The following KCNQ1 variants were observed in gnomAD, a reference collection of about 807,000 sequenced individuals.
KCNQ1 encodes the protein potassium voltage-gated channel subfamily Q member 1.
KCNQ1 carries 49 observed loss-of-function variants against 72.4 expected under a neutral mutation model. The observed-to-expected ratio is 0.68, with a 90% CI of 0.54 to 0.86. KCNQ1 has a LOEUF of 0.86. Among genes scored for constraint, KCNQ1 ranks in the 40% least tolerant of loss-of-function variants. The probability of loss-of-function intolerance (pLI) is 0.00; values close to 1 mark genes in which losing one functional copy is unlikely to be tolerated. For synonymous variants in KCNQ1, 450 were observed against 412.6 expected (o/e 1.09, Z -1.10); for missense variants, 790 against 945.1 (o/e 0.84, Z 2.15).
intron 10 of KCNQ1, chr11:2,632,699 A>G (rs2133818275): frequency 2.5e-6 from 1 of 398,310 alleles, no homozygotes; most frequent in East Asian, 3.6e-5. Flanking sequence ...TCTGTGCCTA[A>G]TTTCATTTAA....
intron 1 of KCNQ1, among the ~76,000 whole-genome samples, chr11:2,511,067 TTC>T (rs1039775020): frequency 7.9e-5 from 12 of 152,252 alleles, no homozygotes; most frequent in Middle Eastern, 3.4e-3. Context: ...ACGGTTTATT[TTC>T]TCTCTCCCTG....
intron 15 of KCNQ1, among the ~76,000 whole-genome samples, chr11:2,822,701 G>A (rs373881934): frequency 1.4e-4 from 22 of 152,250 alleles, no homozygotes; most frequent in East Asian, 5.8e-4. Context: ...GGCTGAACAC[G>A]GGCCAAAGGA....
At position 2,674,777 on chromosome 11, in the gene KCNQ1, A is replaced by G. The variant is rs1251299105; in HGVS notation, c.1514+12696A>G. The G allele has an allele frequency of 5.0e-6, 2 of 397,246 alleles. No homozygotes were observed. The highest frequency in any genetic ancestry group is 7.1e-5 in the East Asian group (2 of 28,006). 24.6% of individuals were successfully genotyped at this position (397,246 alleles called of 1,614,324 possible). ...CCCAGTGCCAGACCAGCTTCCTGGA[A>G]ACTCTCGCCAACTGCTGGCCTTTGG... On this transcript the variant is annotated intron_variant, in intron 11 of 15. Transcript: ENST00000155840. This position sits in a 1 kb window ranked among gnomAD's most constrained non-coding sequence, Gnocchi z 5.9.
chr11:2,521,974 C>CG (rs1847391005), intron 1 of KCNQ1, among the ~76,000 whole-genome samples: 1 of 152,240 alleles, frequency 6.6e-6, no homozygotes, highest in African/African-American at 2.4e-5. Flanking sequence ...GCCTGCACCC[C>CG]GGGGGAGCCC....
rs1846241183 is a variant in KCNQ1 at position 2,752,428 on chromosome 11, CT to C, written c.1515-16415del. Among the ~76,000 whole-genome samples, 1 of 151,866 alleles carries C rather than the reference CT, an allele frequency of 6.6e-6. No individual in the cohort carries two copies. Among genetic ancestry groups the C allele is most frequent in the Admixed American group, 6.6e-5 (1 of 15,256 alleles). ...TCTCTCGGGGGGTCCGATGGGATACCTAGTGTCTTAATCTGTTCAGTCTGCT... is the reference window on the plus strand; with the variant it reads ...TCTCTCGGGGGGTCCGATGGGATACCAGTGTCTTAATCTGTTCAGTCTGCT... On this transcript the variant is annotated intron_variant, in intron 11 of 15. Transcript: ENST00000155840. This position sits in a 1 kb window ranked among gnomAD's most constrained non-coding sequence, Gnocchi z 5.2.
rs554992956 is a variant in KCNQ1 at position 2,446,981 on chromosome 11, C to T, written c.386+1497C>T. The stretch of plus-strand genomic sequence containing the variant: ...TGTGTGCTGGTGGCCACCTGCCTCC[C>T]GGACCCCAGACTCTCTGAGATGTCC... On this transcript the variant is annotated intron_variant, in intron 1 of 15. Transcript: ENST00000155840. The surrounding 1 kb of genome is among the most constrained non-coding windows in gnomAD (Gnocchi z 8.8). Among the ~76,000 whole-genome samples, 704 of 152,286 alleles carry T rather than the reference C, an allele frequency of 4.6e-3. 4 individuals are homozygous for T. The highest frequency in any genetic ancestry group is 0.016 in the African/African-American group (656 of 41,564).
chr11:2,802,052 C>T (rs1235488848), intron 15 of KCNQ1, among the ~76,000 whole-genome samples: 1 of 152,208 alleles, frequency 6.6e-6, no homozygotes, highest in Non-Finnish European at 1.5e-5. Flanking sequence ...TCGCCAGCTG[C>T]GGAGCGGGGC....
rs576305241 is a variant in KCNQ1, at chr11:2,572,999, C to T, written c.921+13C>T. 47 of 1,611,844 alleles carry T rather than the reference C, an allele frequency of 2.9e-5. No individual in the cohort carries two copies. In the East Asian group the frequency reaches 5.1e-4, roughly 18 times the overall value. On this transcript the variant is annotated intron_variant, in intron 6 of 15. Coordinates refer to ENST00000155840, the MANE Select transcript of KCNQ1 (RefSeq NM_000218.3). The stretch of plus-strand genomic sequence containing the variant: ...GTGGTGGGGGGTGGTAAGTCGGAAA[C>T]TTCCAGGCATGGGGACAGGGGCAGC...
chr11:2,811,511 G>A (rs909925156), intron 15 of KCNQ1, among the ~76,000 whole-genome samples: 8 of 152,362 alleles, frequency 5.3e-5, no homozygotes, highest in East Asian at 1.9e-4. Flanking sequence ...CCTAAAGGCC[G>A]CATGAGGGGA....
intron 15 of KCNQ1, among the ~76,000 whole-genome samples, chr11:2,791,434 C>T (rs574801471): frequency 1.3e-4 from 20 of 152,338 alleles, no homozygotes; most frequent in African/African-American, 4.8e-4. Flanking sequence ...CCTTTTCAAA[C>T]TTGTCACCCC....
intron 15 of KCNQ1, among the ~76,000 whole-genome samples, chr11:2,843,067 G>C (rs981758850): frequency 6.6e-6 from 1 of 152,190 alleles, no homozygotes; most frequent in Non-Finnish European, 1.5e-5. Context: ...GCAGCAGTGT[G>C]GGGGGTTCTG....
intron 15 of KCNQ1, among the ~76,000 whole-genome samples, chr11:2,779,553 C>T (rs1564890544): frequency 6.6e-6 from 1 of 152,146 alleles, no homozygotes; most frequent in East Asian, 1.9e-4. Context: ...CTGGGGACAG[C>T]CCCCGCCTTT....
chr11:2,782,094 A>G lies in KCNQ1; in HGVS notation c.1794+4057A>G, dbSNP rs1478630966. On this transcript the variant is annotated intron_variant, in intron 15 of 15. Coordinates refer to ENST00000155840, the MANE Select transcript of KCNQ1 (RefSeq NM_000218.3). The surrounding 1 kb of genome is among the most constrained non-coding windows in gnomAD (Gnocchi z 6.1). ...TCCCTCATTCCAGTGTGACTCCTCC[A>G]TCAACCAGGCCACAAGCTGGACCCC... 1.3e-5 allele frequency among the ~76,000 whole-genome samples: 2 copies of G among 152,054 alleles called. No homozygotes were observed. The highest frequency in any genetic ancestry group is 2.4e-5 in the African/African-American group (1 of 41,358).
chr11:2,806,248 C>T (rs150312352), intron 15 of KCNQ1, among the ~76,000 whole-genome samples: 2 of 152,202 alleles, frequency 1.3e-5, no homozygotes, highest in African/African-American at 4.8e-5. Context: ...TGGTTCTTAC[C>T]TCCATAACAG....
chr11:2,669,248 C>T lies in KCNQ1; in HGVS notation c.1514+7167C>T, dbSNP rs867505950. On this transcript the variant is annotated intron_variant, in intron 11 of 15. Coordinates refer to ENST00000155840, the MANE Select transcript of KCNQ1 (RefSeq NM_000218.3). This position sits in a 1 kb window ranked among gnomAD's most constrained non-coding sequence, Gnocchi z 5.6. ...GTCCTGCTGGCTCTGGCTGCTTCTC[C>T]TTCCCCATCACTGGCTTTGCTGTCT... is the stretch of plus-strand genomic sequence containing the variant. 31 of 398,748 alleles carry T rather than the reference C, an allele frequency of 7.8e-5. No individual in the cohort carries two copies. The highest frequency in any genetic ancestry group is 1.3e-3 in the Middle Eastern group (2 of 1,588). The allele number at this position is 398,748 out of a possible 1,614,324, so 24.7% of individuals were successfully genotyped here.
chr11:2,618,072 C>T (rs1459227266), intron 10 of KCNQ1: 1 of 398,378 alleles, frequency 2.5e-6, no homozygotes, highest in Non-Finnish European at 4.4e-6. Flanking sequence ...GTAGCCTGAG[C>T]TTTTGGTGTG....
chr11:2,843,450 T>G (rs1848253823), intron 15 of KCNQ1, among the ~76,000 whole-genome samples: 1 of 152,242 alleles, frequency 6.6e-6, no homozygotes, highest in African/African-American at 2.4e-5. Context: ...GGGGAGGCCC[T>G]GCCTGGTCTT....
intron 15 of KCNQ1, among the ~76,000 whole-genome samples, chr11:2,833,421 A>C (rs1320741645): frequency 6.6e-6 from 1 of 152,024 alleles, no homozygotes; most frequent in Admixed American, 6.5e-5. Context: ...CTCTGTGAAG[A>C]CTGCATAGAT....
intron 1 of KCNQ1, among the ~76,000 whole-genome samples, chr11:2,448,974 A>G (rs938198339): frequency 6.6e-6 from 1 of 152,196 alleles, no homozygotes; most frequent in African/African-American, 2.4e-5. Flanking sequence ...AGAGCCTGGG[A>G]GAAAGGGCCT....
Sources: gnomAD v4.1 joint callset for allele counts (sites outside exome capture counted in the v4.1 genomes callset) on GRCh38, gnomAD v4.1.1 for gene constraint, Gnocchi (gnomAD v3.1) non-coding constraint, MANE v1.5 for transcripts, NCBI Gene and HGNC (gene_info 2026-07-23, HGNC 2026-07-21) for gene names.